RAD51B: variants seen among roughly 807,000 people sequenced by gnomAD.
RAD51B encodes DNA repair protein RAD51 homolog 2.
In RAD51B, 38 loss-of-function variants were observed where a neutral mutation model predicts 42.2. The observed-to-expected ratio is 0.90, with a 90% CI of 0.70 to 1.18. The LOEUF is 1.18. Ranked by LOEUF, RAD51B falls within the 50% of genes most tolerant of loss-of-function variation. RAD51B has a pLI of 0.00. For missense variants in RAD51B, 373 were observed against 400.7 expected (o/e 0.93, Z 0.59); for synonymous variants, 154 against 145.2 (o/e 1.06, Z -0.43).
intron 7 of RAD51B, among the ~76,000 whole-genome samples, chr14:68,282,733 T>C (rs994702655): frequency 6.6e-6 from 1 of 152,246 alleles, no homozygotes; most frequent in African/African-American, 2.4e-5. Context: ...GCTCCCATTT[T>C]ATGCTACAGA....
chr14:68,503,478 G>C (rs1013222224), intron 10 of RAD51B, among the ~76,000 whole-genome samples: 1 of 151,656 alleles, frequency 6.6e-6, no homozygotes, highest in East Asian at 1.9e-4. Context: ...CTCACTGAGC[G>C]CCTACCCACC....
intron 7 of RAD51B, among the ~76,000 whole-genome samples, chr14:68,052,228 T>C (rs1228522113): frequency 5.9e-5 from 9 of 152,204 alleles, no homozygotes; most frequent in Admixed American, 4.6e-4. Flanking sequence ...ATTTGTTTCT[T>C]AGGTCTAGCA....
At chr14:68,510,238 AG>A (rs1434793381) in intron 10 of RAD51B, among the ~76,000 whole-genome samples, 1 of 152,190 alleles carries the variant, frequency 6.6e-6, no homozygotes, top group Non-Finnish European at 1.5e-5. Context: ...TGAAGAAGTG[AG>A]GTCTCTGATT....
intron 8 of RAD51B, among the ~76,000 whole-genome samples, chr14:68,293,771 G>A (rs2081560130): frequency 1.3e-5 from 2 of 152,144 alleles, no homozygotes; most frequent in African/African-American, 4.8e-5. Context: ...TAAAGAAAAA[G>A]TCTAGAAAAT....
intron 9 of RAD51B, among the ~76,000 whole-genome samples, chr14:68,446,991 C>A (rs1041016414): frequency 6.6e-6 from 1 of 152,086 alleles, no homozygotes; most frequent in Non-Finnish European, 1.5e-5. Flanking sequence ...CCGAGGCGGG[C>A]GGATCACCTG....
chr14:68,663,317 AGAG>A (rs1892970957), intron 11 of RAD51B, among the ~76,000 whole-genome samples: 1 of 150,564 alleles, frequency 6.6e-6, no homozygotes, highest in Non-Finnish European at 1.5e-5. Context: ...ACAAAGAGAG[AGAG>A]AGAGAGAGAG....
chr14:68,413,850 C>A (rs924279825), intron 9 of RAD51B, among the ~76,000 whole-genome samples: 1 of 152,120 alleles, frequency 6.6e-6, no homozygotes, highest in Non-Finnish European at 1.5e-5. Flanking sequence ...AGTAGCAGAA[C>A]GTGCCTAGAT....
At chr14:68,196,064 C>T (rs568039133) in intron 7 of RAD51B, among the ~76,000 whole-genome samples, 49 of 151,504 alleles carry the variant, frequency 3.2e-4, no homozygotes, top group Admixed American at 1.4e-3. Context: ...ATTAGCTGGG[C>T]GTGGTGGCAG....
At chr14:67,861,576 T>C (rs950834489) in intron 4 of RAD51B, among the ~76,000 whole-genome samples, 3 of 138,702 alleles carry the variant, frequency 2.2e-5, no homozygotes, top group Non-Finnish European at 4.7e-5. Context: ...AACCTGTCTT[T>C]AAAAAAAAAA....
intron 7 of RAD51B, among the ~76,000 whole-genome samples, chr14:67,995,544 T>C (rs887764704): frequency 6.6e-6 from 1 of 152,070 alleles, no homozygotes; most frequent in Non-Finnish European, 1.5e-5. Flanking sequence ...AATATGGATG[T>C]CAACCCATAC....
At chr14:68,142,151 TA>T in intron 7 of RAD51B, among the ~76,000 whole-genome samples, 1 of 152,142 alleles carries the variant, frequency 6.6e-6, no homozygotes, top group Non-Finnish European at 1.5e-5. Context: ...GTTTTTTTTT[TA>T]AATGTCATAT....
intron 7 of RAD51B, among the ~76,000 whole-genome samples, chr14:68,174,614 A>G (rs558545602): frequency 3.2e-4 from 49 of 152,302 alleles, no homozygotes; most frequent in Non-Finnish European, 3.8e-4. Context: ...CAGCATGTGG[A>G]TAAGACCATC....
At chr14:68,151,624 G>T (rs937665416) in intron 7 of RAD51B, among the ~76,000 whole-genome samples, 2 of 151,858 alleles carry the variant, frequency 1.3e-5, no homozygotes, top group African/African-American at 4.8e-5. Context: ...GTGTGTGTGT[G>T]TGTGTGTTTC....
intron 7 of RAD51B, among the ~76,000 whole-genome samples, chr14:67,892,665 G>T (rs1342859666): frequency 6.6e-6 from 1 of 152,208 alleles, no homozygotes; most frequent in African/African-American, 2.4e-5. Context: ...TGATCAGATT[G>T]TTTATGCAAA....
intron 10 of RAD51B, among the ~76,000 whole-genome samples, chr14:68,520,148 A>G (rs1886471987): frequency 6.6e-6 from 1 of 152,194 alleles, no homozygotes; most frequent in African/African-American, 2.4e-5. Context: ...CTTTCCTCCT[A>G]AGCACAATGC....
intron 8 of RAD51B, among the ~76,000 whole-genome samples, chr14:68,362,798 G>C (rs2139918195): frequency 6.6e-6 from 1 of 152,054 alleles, no homozygotes; most frequent in African/African-American, 2.4e-5. Context: ...GCAGTGAGCT[G>C]AGATTGTGCC....
chr14:67,846,383 C>T (rs2041615557), intron 4 of RAD51B, among the ~76,000 whole-genome samples: 2 of 152,172 alleles, frequency 1.3e-5, no homozygotes, highest in South Asian at 2.1e-4. Context: ...TTACACTCTA[C>T]ACCACAGCTG....
intron 7 of RAD51B, among the ~76,000 whole-genome samples, chr14:68,144,555 T>C (rs1236204679): frequency 2.0e-5 from 3 of 152,238 alleles, no homozygotes; most frequent in African/African-American, 7.2e-5. Context: ...CTTTTGTTGA[T>C]GAGTAGAGCT....
At chr14:68,336,359 T>C (rs1056057271) in intron 8 of RAD51B, among the ~76,000 whole-genome samples, 2 of 152,242 alleles carry the variant, frequency 1.3e-5, no homozygotes, top group African/African-American at 4.8e-5. Flanking sequence ...TCATTTACTT[T>C]CCTAGAATGA....
Sources: gnomAD v4.1 joint callset for allele counts (sites outside exome capture counted in the v4.1 genomes callset) on GRCh38, gnomAD v4.1.1 for gene constraint, MANE v1.5 for transcripts, NCBI Gene and HGNC (gene_info 2026-07-23, HGNC 2026-07-21) for gene names.